Variants in ATP1A4 observed in about 807,000 individuals in gnomAD.
ATP1A4 encodes the protein ATPase Na+/K+ transporting subunit alpha 4, also known as sodium/potassium-transporting ATPase subunit alpha-4.
ATP1A4 carries 90 observed loss-of-function variants against 114.3 expected under a neutral mutation model. The ratio of observed to expected loss-of-function variants is 0.79; its 90% CI spans 0.66 to 0.94. The LOEUF is 0.94. ATP1A4 is among the 40% of genes least tolerant of loss of function. The pLI, the probability that ATP1A4 is intolerant of heterozygous loss-of-function variation, is 0.00. For synonymous variants in ATP1A4, 511 were observed against 494.1 expected (o/e 1.03, Z -0.45); for missense variants, 1,222 against 1,313.6 (o/e 0.93, Z 1.08).
intron 10 of ATP1A4, chr1:160,169,531 A>G (rs943022755): frequency 5.3e-5 from 8 of 152,322 alleles, no homozygotes; most frequent in African/African-American, 1.9e-4. Flanking sequence ...CATATTTTGA[A>G]TGTAACTGAA....
chr1:160,183,138 C>G (rs1219873865), intron 20 of ATP1A4: 1 of 152,238 alleles, frequency 6.6e-6, no homozygotes, highest in Non-Finnish European at 1.5e-5. Context: ...CTCAACTCTA[C>G]TATGTATTAT....
At chr1:160,178,243 C>T (rs1557807198) in intron 18 of ATP1A4, among the ~76,000 whole-genome samples, 1 of 151,874 alleles carries the variant, frequency 6.6e-6, no homozygotes, top group Admixed American at 6.6e-5. Context: ...TAATCCCAAC[C>T]ACTCGGGAGG....
chr1:160,164,888 C>T (rs1652978179), intron 7 of ATP1A4, among the ~76,000 whole-genome samples: 1 of 152,234 alleles, frequency 6.6e-6, no homozygotes, highest in South Asian at 2.1e-4. Flanking sequence ...CCACCCCTTT[C>T]TGTCTCAATT....
At position 160,185,123 on chromosome 1, in the gene ATP1A4, T is replaced by C. The variant is rs527841083; in HGVS notation, c.2970-1153T>C. Among the ~76,000 whole-genome samples, 179 of 129,608 alleles carry C rather than the reference T, an allele frequency of 1.4e-3. 2 individuals are homozygous for C. The highest frequency in any genetic ancestry group is 4.8e-3 in the African/African-American group (168 of 34,820). 85.0% of individuals were successfully genotyped at this position (129,608 alleles called of 152,430 possible). On this transcript the variant is annotated intron_variant, in intron 20 of 21. Coordinates refer to ENST00000368081, the MANE Select transcript of ATP1A4 (RefSeq NM_144699.4). Reference sequence around the variant, plus strand: ...TCATCATTGGCTTTTTTTTTTTTTTTCCCGACGAAGTCTTGGTCTCGCTCT... The same window carrying C: ...TCATCATTGGCTTTTTTTTTTTTTTCCCCGACGAAGTCTTGGTCTCGCTCT...
intron 20 of ATP1A4, among the ~76,000 whole-genome samples, chr1:160,185,354 A>G (rs557854056): frequency 6.6e-6 from 1 of 151,838 alleles, no homozygotes; most frequent in African/African-American, 2.4e-5. Flanking sequence ...CTCGTGATCC[A>G]TCTGCCTCGG....
chr1:160,167,235 T>C, intron 9 of ATP1A4, 43 bp from the exon 10 acceptor site: 2 of 1,570,528 alleles, frequency 1.3e-6, no homozygotes, highest in Non-Finnish European at 1.7e-6. Context: ...CATGCCCAGG[T>C]AGCATGCCCC....
rs747366810 is a variant in ATP1A4 at position 160,174,060 on chromosome 1, T to G, written c.1992-51T>G. 82 of 1,599,408 alleles carry G rather than the reference T, an allele frequency of 5.1e-5. No individual in the cohort carries two copies. In the East Asian group the frequency reaches 1.7e-3, roughly 34 times the overall value. On this transcript the variant is annotated intron_variant, in intron 13 of 21. Coordinates refer to ENST00000368081, the MANE Select transcript of ATP1A4 (RefSeq NM_144699.4). The stretch of plus-strand genomic sequence containing the variant: ...TAGTCAAGATGGGCACCAAGACCCC[T>G]GGTGAATTCTCAACACTCAAAACTA...
At chr1:160,161,940 T>C (rs939987012) in intron 6 of ATP1A4, among the ~76,000 whole-genome samples, 3 of 152,226 alleles carry the variant, frequency 2.0e-5, no homozygotes. Flanking sequence ...AGTATGAGTC[T>C]ATATTGGTCC....
chr1:160,186,095 A>AAAAAAAAAAAAAAAC (rs1557810766), intron 20 of ATP1A4, among the ~76,000 whole-genome samples, 181 bp from the exon 21 acceptor site: 1 of 147,972 alleles, frequency 6.8e-6, no homozygotes, highest in Non-Finnish European at 1.5e-5. Context: ...GCAAAAAAAA[A>AAAAAAAAAAAAAAAC]AAAAAAAAAA....
chr1:160,154,191 T>C (rs905676726), intron 2 of ATP1A4, among the ~76,000 whole-genome samples: 1 of 152,006 alleles, frequency 6.6e-6, no homozygotes, highest in Non-Finnish European at 1.5e-5. Context: ...CCATCTGTAT[T>C]AAAAATACAA....
chr1:160,159,754 T>C (rs775139634), intron 6 of ATP1A4, among the ~76,000 whole-genome samples: 56 of 152,196 alleles, frequency 3.7e-4, no homozygotes, highest in Admixed American at 2.8e-3. Context: ...TGAATTGAGA[T>C]AATATATGTA....
At chr1:160,184,811 C>A (rs1177854706) in intron 20 of ATP1A4, among the ~76,000 whole-genome samples, 1 of 152,140 alleles carries the variant, frequency 6.6e-6, no homozygotes, top group East Asian at 1.9e-4. Flanking sequence ...CCTGATTCAA[C>A]CCCTCCCCAG....
At chr1:160,176,418 T>C in intron 16 of ATP1A4, 61 bp from the exon 17 acceptor site, 1 of 1,611,126 alleles carries the variant, frequency 6.2e-7, no homozygotes, top group South Asian at 1.1e-5. Flanking sequence ...AGAGCTTGAA[T>C]TACTGCTGGG....
chr1:160,164,431 A>G lies in ATP1A4; in HGVS notation c.1047+7A>G, dbSNP rs751046547. 2 of 1,613,526 alleles carry G rather than the reference A, an allele frequency of 1.2e-6. No homozygotes were observed. The highest frequency in any genetic ancestry group is 1.7e-4 in the Middle Eastern group (1 of 6,056). The stretch of plus-strand genomic sequence containing the variant: ...GCTGTTGGCCACAGTCACTGTGAGT[A>G]GACAGGGTGGAAAATGGCCTCAGGG... On this transcript the variant is annotated splice_region_variant and intron_variant, in intron 7 of 21. Coordinates refer to ENST00000368081, the MANE Select transcript of ATP1A4 (RefSeq NM_144699.4).
At chr1:160,168,932 T>A (rs1290603231) in intron 10 of ATP1A4, among the ~76,000 whole-genome samples, 2 of 152,180 alleles carry the variant, frequency 1.3e-5, no homozygotes, top group Admixed American at 1.3e-4. Flanking sequence ...CTGGAAAGAA[T>A]TAGGTACCTC....
Position 160,155,246 on chromosome 1 carries a change from A to G in ATP1A4, c.409A>G (p.Asn137Asp), listed in dbSNP as rs1243361646. 6.2e-7 allele frequency: 1 copy of G among 1,612,376 alleles called. No individual in the cohort carries two copies. Among genetic ancestry groups the G allele is most frequent in the Non-Finnish European group, 8.5e-7 (1 of 1,179,318 alleles). ...IYFNEEPTKD[N>D]LYLSIVLSVV... Reference sequence around the variant, plus strand: ...TTTCAATGAGGAGCCTACCAAAGACAACGTGAGTCTCTTCAGCTACTACTA... The same window carrying G: ...TTTCAATGAGGAGCCTACCAAAGACGACGTGAGTCTCTTCAGCTACTACTA... The change falls in exon 3 of 22, where the codon AAC becomes GAC. Residue 137 changes from asparagine to aspartate, a missense_variant and splice_region_variant. Coordinates refer to ENST00000368081, the MANE Select transcript of ATP1A4 (RefSeq NM_144699.4).
intron 2 of ATP1A4, among the ~76,000 whole-genome samples, chr1:160,153,797 G>A (rs542542302): frequency 3.9e-5 from 6 of 152,198 alleles, no homozygotes; most frequent in Admixed American, 1.3e-4. Context: ...ATGCCAGTTG[G>A]CCTTCAGAAA....
intron 20 of ATP1A4, chr1:160,182,736 T>C (rs1653750622): frequency 6.5e-6 from 1 of 152,700 alleles, no homozygotes; most frequent in Non-Finnish European, 1.5e-5. Context: ...AAATGGCGCA[T>C]TCTCGGCTTA....
chr1:160,174,805 G>A, intron 15 of ATP1A4, 58 bp downstream of exon 15: 1 of 1,603,906 alleles, frequency 6.2e-7, no homozygotes, highest in Non-Finnish European at 8.5e-7. Flanking sequence ...GTGGGGGTTG[G>A]TGTACATCCC....
Sources: allele counts gnomAD v4.1 joint callset (sites outside exome capture counted in the v4.1 genomes callset), GRCh38; gene constraint gnomAD v4.1.1; transcripts MANE v1.5; gene names NCBI Gene and HGNC (gene_info 2026-07-23, HGNC 2026-07-21).